Variants in RHOU observed in about 807,000 individuals in gnomAD.
RHOU encodes the protein rho-related GTP-binding protein RhoU.
In RHOU, 8 loss-of-function variants were observed where a neutral mutation model predicts 12.6. The ratio of observed to expected loss-of-function variants is 0.64; its 90% confidence interval spans 0.37 to 1.15. RHOU has a LOEUF of 1.15. RHOU is among the 50% of genes most tolerant of loss of function. The pLI is 0.01. For missense variants in RHOU, 258 were observed against 347.0 expected (o/e 0.74, Z 2.04); for synonymous variants, 161 against 147.4 (o/e 1.09, Z -0.67).
In RHOU at chr1:228,744,049, G is replaced by C; in HGVS notation, c.*309G>C. 1 of 278,302 alleles carries C rather than the reference G, an allele frequency of 3.6e-6. No homozygotes were observed. The highest frequency in any genetic ancestry group is 5.0e-5 in the South Asian group (1 of 20,176). The allele number at this position is 278,302 out of a possible 1,614,324, so 17.2% of individuals were successfully genotyped here. On this transcript the variant is annotated 3_prime_UTR_variant, in exon 3 of 3. Transcript: ENST00000366691. ...TGAAGAAGACACCTCTAATCTGGAT[G>C]TTAAGAATGAAGTTCTGCTACATTA...
Position 228,735,953 on chromosome 1 carries a change from A to C in RHOU, c.211A>C (p.Thr71Pro). 1 of 1,581,612 alleles carries C rather than the reference A, an allele frequency of 6.3e-7. No individual in the cohort carries two copies. The highest frequency in any genetic ancestry group is 8.6e-7 in the Non-Finnish European group (1 of 1,168,050). Residue 71 changes from threonine to proline, a missense_variant, in exon 1 of 3, where the codon ACC becomes CCC. Coordinates refer to ENST00000366691, the MANE Select transcript of RHOU (RefSeq NM_021205.6). This position sits in a 1 kb window ranked among gnomAD's most constrained non-coding sequence, Gnocchi z 8.1. ...GKTSLVVSYT[T>P]NGYPTEYIPT... ...GACGAGCCTGGTGGTGAGCTACACC[A>C]CCAACGGCTACCCCACCGAGTACAT...
At chr1:228,707,253 A>G in the RHOU span, among the ~76,000 whole-genome samples, 21 of 77,156 alleles carry the variant, frequency 2.7e-4, no homozygotes, top group Non-Finnish European at 4.6e-4. Context: ...ATATATATAT[A>G]TAGTGTGTGT....
At chr1:228,663,431 T>C in the RHOU span, among the ~76,000 whole-genome samples, 60 of 152,194 alleles carry the variant, frequency 3.9e-4, no homozygotes, top group African/African-American at 1.4e-3. Context: ...TAGGCACTTA[T>C]CACAATATTC....
At chr1:228,661,702 A>G in the RHOU span, among the ~76,000 whole-genome samples, 4 of 152,184 alleles carry the variant, frequency 2.6e-5, no homozygotes, top group African/African-American at 9.7e-5. Context: ...AGACTTAAAC[A>G]TTAGGCCTAA....
At chr1:228,707,246 T>TAC in the RHOU span, among the ~76,000 whole-genome samples, 67 of 94,340 alleles carry the variant, frequency 7.1e-4, no homozygotes, top group African/African-American at 4.1e-3. Context: ...TATATATATA[T>TAC]ATATATATAG....
At chr1:228,678,982 C>T in the RHOU span, among the ~76,000 whole-genome samples, 1 of 151,892 alleles carries the variant, frequency 6.6e-6, no homozygotes, top group Non-Finnish European at 1.5e-5. Flanking sequence ...ATTCCAACCA[C>T]ATAGCCCTGC....
chr1:228,692,631 T>C, the RHOU span, among the ~76,000 whole-genome samples: 1 of 152,172 alleles, frequency 6.6e-6, no homozygotes, highest in African/African-American at 2.4e-5. Flanking sequence ...TAAGACAGGA[T>C]CTTGCTATGT....
intron 2 of RHOU, among the ~76,000 whole-genome samples, chr1:228,741,392 T>G (rs1054280663): frequency 1.3e-5 from 2 of 152,172 alleles, no homozygotes; most frequent in Non-Finnish European, 2.9e-5. Flanking sequence ...GGGAGATAGC[T>G]TTCCAAAGCC....
At chr1:228,682,211 C>T in the RHOU span, among the ~76,000 whole-genome samples, 2 of 152,138 alleles carry the variant, frequency 1.3e-5, no homozygotes, top group African/African-American at 2.4e-5. Flanking sequence ...ACTGTTTACC[C>T]GATTTGAAAT....
rs892241204 is a variant in RHOU, at chr1:228,746,613, T to G, written c.*2873T>G. On this transcript the variant is annotated 3_prime_UTR_variant, in exon 3 of 3. Coordinates refer to ENST00000366691, the MANE Select transcript of RHOU (RefSeq NM_021205.6). ...GTAAATGATGTTGAGCAGAATGTTG[T>G]ACTTGAAAATGCTATAAGTGAGATG... 2 of 152,226 alleles carry G rather than the reference T, an allele frequency of 1.3e-5. No individual in the cohort carries two copies. Among genetic ancestry groups the G allele is most frequent in the African/African-American group, 4.8e-5 (2 of 41,460 alleles). 9.4% of individuals were successfully genotyped at this position (152,226 alleles called of 1,614,324 possible).
the RHOU span, among the ~76,000 whole-genome samples, chr1:228,655,749 C>T: frequency 6.6e-6 from 1 of 152,220 alleles, no homozygotes; most frequent in African/African-American, 2.4e-5. Flanking sequence ...GTTAGTGATG[C>T]TTTCAAAGAA....
the RHOU span, among the ~76,000 whole-genome samples, chr1:228,686,865 C>T: frequency 6.6e-6 from 1 of 152,166 alleles, no homozygotes; most frequent in Non-Finnish European, 1.5e-5. Context: ...CTCAGCCTCC[C>T]AATAGCTGGG....
Position 228,746,544 on chromosome 1 carries a change from C to T in RHOU, c.*2804C>T, listed in dbSNP as rs1662837210. ...GAGCAAGGCCTTCTCTCCAGACTATCGTAACCTGGTGCCTTACCAAGTTGT... is the reference window on the plus strand; with the variant it reads ...GAGCAAGGCCTTCTCTCCAGACTATTGTAACCTGGTGCCTTACCAAGTTGT... On this transcript the variant is annotated 3_prime_UTR_variant, in exon 3 of 3. Transcript: ENST00000366691. The T allele has an allele frequency of 6.6e-6, 1 of 152,204 alleles. No homozygotes were observed. Among genetic ancestry groups the T allele is most frequent in the Non-Finnish European group, 1.5e-5 (1 of 68,036 alleles). The allele number at this position is 152,204 out of a possible 1,614,324, so 9.4% of individuals were successfully genotyped here. A position where few individuals can be genotyped will look rare whatever the true frequency, so the allele number is the denominator to read the frequency against.
chr1:228,647,066 T>G, the RHOU span, among the ~76,000 whole-genome samples: 2 of 152,076 alleles, frequency 1.3e-5, no homozygotes, highest in Non-Finnish European at 2.9e-5. Flanking sequence ...CGAGAACGTT[T>G]GAGCCTTAGA....
the RHOU span, among the ~76,000 whole-genome samples, chr1:228,683,413 TTAGGAGA>T: frequency 1.1e-4 from 17 of 152,222 alleles, no homozygotes; most frequent in Admixed American, 1.1e-3. Context: ...TGGAGCTTAC[TTAGGAGA>T]TAGGATCAGG....
chr1:228,663,630 T>TTTC, the RHOU span, among the ~76,000 whole-genome samples: 1 of 55,484 alleles, frequency 1.8e-5, no homozygotes, highest in Non-Finnish European at 3.1e-5. Context: ...CTTTTCTTTT[T>TTTC]TTTTTTTTTT....
chr1:228,696,784 C>T, the RHOU span, among the ~76,000 whole-genome samples: 1 of 152,004 alleles, frequency 6.6e-6, no homozygotes, highest in Non-Finnish European at 1.5e-5. Context: ...GAGGCTCAAG[C>T]GATCCACCCG....
chr1:228,731,515 G>A (rs1044903145), upstream of RHOU, among the ~76,000 whole-genome samples: 2 of 152,166 alleles, frequency 1.3e-5, no homozygotes, highest in African/African-American at 4.8e-5. Flanking sequence ...ATGGCCAGAT[G>A]GAGAAGCAAA....
At chr1:228,688,061 A>G in the RHOU span, among the ~76,000 whole-genome samples, 1 of 145,080 alleles carries the variant, frequency 6.9e-6, no homozygotes, top group Admixed American at 7.3e-5. Context: ...TGTGAGCTGT[A>G]CAAGAGCAAG....
Sources: allele counts gnomAD v4.1 joint callset (sites outside exome capture counted in the v4.1 genomes callset), GRCh38; gene constraint gnomAD v4.1.1; non-coding constraint Gnocchi (gnomAD v3.1); transcripts MANE v1.5; gene names NCBI Gene and HGNC (gene_info 2026-07-23, HGNC 2026-07-21).